Variants in SLC25A21 observed in about 807,000 individuals in gnomAD.
The protein encoded by SLC25A21 is mitochondrial 2-oxodicarboxylate carrier.
In SLC25A21, 47 loss-of-function variants were observed where a neutral mutation model predicts 43.8. That is an observed-to-expected ratio of 1.07 (90% CI 0.85 to 1.37). The LOEUF is 1.37. Among genes scored for constraint, SLC25A21 ranks in the 40% most tolerant of loss-of-function variants. The probability of loss-of-function intolerance (pLI) is 0.00; values close to 1 mark genes in which losing one functional copy is unlikely to be tolerated. For synonymous variants in SLC25A21, 131 were observed against 121.3 expected, an observed-to-expected ratio of 1.08 and a Z score of -0.52; for missense variants, 352 against 350.2, an observed-to-expected ratio of 1.00 and a Z score of -0.04.
intron 1 of SLC25A21, among the ~76,000 whole-genome samples, chr14:36,967,302 C>T (rs990536003): frequency 3.9e-5 from 6 of 152,126 alleles, no homozygotes; most frequent in Admixed American, 2.6e-4. Context: ...CTGGTCTTTA[C>T]CTGATGTCCC....
chr14:36,931,172 T>G (rs2138636546), intron 1 of SLC25A21, among the ~76,000 whole-genome samples: 1 of 152,228 alleles, frequency 6.6e-6, no homozygotes, highest in Admixed American at 6.6e-5. Flanking sequence ...AAATATTCCT[T>G]AAAGAAATAC....
chr14:36,874,154 C>T (rs1018971185), intron 2 of SLC25A21, among the ~76,000 whole-genome samples: 1 of 152,194 alleles, frequency 6.6e-6, no homozygotes, highest in Non-Finnish European at 1.5e-5. Context: ...CAATGACCAG[C>T]CTGAATTATC....
intron 1 of SLC25A21, among the ~76,000 whole-genome samples, chr14:37,051,140 C>T (rs951869098): frequency 6.6e-6 from 1 of 152,176 alleles, no homozygotes; most frequent in African/African-American, 2.4e-5. Context: ...AAGGACTTTG[C>T]CTATTGTTCA....
At chr14:37,028,177 G>GC (rs113708635) in intron 1 of SLC25A21, among the ~76,000 whole-genome samples, 20,710 of 151,908 alleles carry the variant, frequency 0.14, 4,475 homozygotes, top group African/African-American at 0.46. Context: ...TACTTTCTGA[G>GC]CCCCAAAGAA....
chr14:36,867,581 C>T (rs1890247800), intron 2 of SLC25A21, among the ~76,000 whole-genome samples: 1 of 152,126 alleles, frequency 6.6e-6, no homozygotes, highest in Admixed American at 6.5e-5. Flanking sequence ...GCTCTACTTG[C>T]AAACACCTTG....
In SLC25A21 at chr14:37,055,516, T is replaced by C. The variant is rs144152777; in HGVS notation, c.70+116765A>G. On this transcript the variant is annotated intron_variant, in intron 1 of 9. Transcript: ENST00000331299. ...GCAGAAGAGACACCATAGAACTTCT[T>C]ATGACTTGGGAGCCTTACAGCTTCA... 2.0e-5 allele frequency among the ~76,000 whole-genome samples: 3 copies of C among 152,278 alleles called. No homozygotes were observed. The East Asian group carries it at 5.8e-4, about 29-fold the overall frequency.
chr14:36,960,548 C>T (rs1370797108), intron 1 of SLC25A21, among the ~76,000 whole-genome samples: 1 of 152,206 alleles, frequency 6.6e-6, no homozygotes, highest in East Asian at 1.9e-4. Flanking sequence ...ATAATACAAA[C>T]TCTGTGCTGA....
At chr14:36,806,438 A>G (rs1888044238) in intron 3 of SLC25A21, among the ~76,000 whole-genome samples, 1 of 152,094 alleles carries the variant, frequency 6.6e-6, no homozygotes, top group Admixed American at 6.6e-5. Flanking sequence ...AATTACTTTG[A>G]TTTCATCACC....
At chr14:37,029,379 T>A (rs573431524) in intron 1 of SLC25A21, among the ~76,000 whole-genome samples, 1 of 152,298 alleles carries the variant, frequency 6.6e-6, no homozygotes, top group South Asian at 2.1e-4. Context: ...TATTTCTTTT[T>A]TTCAAGAAAT....
chr14:36,930,605 C>A (rs1892260713), intron 1 of SLC25A21, among the ~76,000 whole-genome samples: 2 of 152,132 alleles, frequency 1.3e-5, no homozygotes, highest in South Asian at 4.1e-4. Flanking sequence ...CCAGCCCCTG[C>A]TGTATCATCT....
At chr14:36,861,038 C>T (rs1339787022) in intron 2 of SLC25A21, among the ~76,000 whole-genome samples, 1 of 152,174 alleles carries the variant, frequency 6.6e-6, no homozygotes, top group Non-Finnish European at 1.5e-5. Flanking sequence ...TGTAGAGTTG[C>T]ATCCAGCTCT....
chr14:37,098,746 T>TAGATAGAC (rs1962753944), intron 1 of SLC25A21, among the ~76,000 whole-genome samples: 1 of 31,270 alleles, frequency 3.2e-5, no homozygotes, highest in Non-Finnish European at 1.5e-4. Context: ...GATAGATAGA[T>TAGATAGAC]AGACAGACAG....
chr14:36,725,619 A>G lies in SLC25A21; in HGVS notation c.389T>C (p.Phe130Ser), dbSNP rs1484076093. 7 of 1,600,522 alleles carry G rather than the reference A, an allele frequency of 4.4e-6. No homozygotes were observed. Among genetic ancestry groups the G allele is most frequent in the East Asian group, 2.3e-5 (1 of 43,852 alleles). The change falls in exon 6 of 10, where the codon TTT becomes TCT. Residue 130 changes from phenylalanine (F) to serine (S), a missense_variant. Physicochemically the swap from Phe to Ser is radical, Grantham distance 155 (BLOSUM62 -2). Transcript: ENST00000331299. The part of the protein sequence containing the change: ...GLTEAIVVNP[F>S]EVVKVGLQAN... Reference sequence around the variant, plus strand: ...TTGCAAGCCAACTTTTACTACCTCAAAAGGGTTAACTACAATGGCTTCTGT... The same window carrying G: ...TTGCAAGCCAACTTTTACTACCTCAGAAGGGTTAACTACAATGGCTTCTGT...
chr14:37,119,284 C>T (rs1353822233), intron 1 of SLC25A21, among the ~76,000 whole-genome samples: 3 of 152,172 alleles, frequency 2.0e-5, no homozygotes, highest in Non-Finnish European at 2.9e-5. Context: ...CACAGTGGCT[C>T]ATGCCTGTAA....
At chr14:36,723,127 G>T (rs919987527) in intron 6 of SLC25A21, among the ~76,000 whole-genome samples, 2 of 152,190 alleles carry the variant, frequency 1.3e-5, no homozygotes, top group Non-Finnish European at 2.9e-5. Context: ...GCATTATTGA[G>T]TCCTAGATAA....
At chr14:36,954,876 TTA>T (rs1160697022) in intron 1 of SLC25A21, among the ~76,000 whole-genome samples, 1 of 152,130 alleles carries the variant, frequency 6.6e-6, no homozygotes, top group East Asian at 1.9e-4. Context: ...TAGGCATCCT[TTA>T]AGGCCCAGCT....
At chr14:36,684,705 G>A in intron 8 of SLC25A21, 39 bp downstream of exon 8, 3 of 1,554,454 alleles carry the variant, frequency 1.9e-6, no homozygotes, top group Non-Finnish European at 2.6e-6. Flanking sequence ...CAATACGTGA[G>A]CCTCATACAT....
intron 6 of SLC25A21, among the ~76,000 whole-genome samples, chr14:36,718,150 T>C (rs1884225288): frequency 6.6e-6 from 1 of 152,202 alleles, no homozygotes; most frequent in South Asian, 2.1e-4. Flanking sequence ...ATTATCATTA[T>C]TTCAAAGTCT....
At chr14:36,688,966 G>T (rs532585376) in intron 7 of SLC25A21, among the ~76,000 whole-genome samples, 69 of 152,328 alleles carry the variant, frequency 4.5e-4, no homozygotes, top group African/African-American at 1.5e-3. Context: ...TAGTGGGTGG[G>T]TTGGTGAGGG....
Sources: gnomAD v4.1 joint callset for allele counts (sites outside exome capture counted in the v4.1 genomes callset) on GRCh38, gnomAD v4.1.1 for gene constraint, MANE v1.5 for transcripts, NCBI Gene and HGNC (gene_info 2026-07-23, HGNC 2026-07-21) for gene names.